The following GPR158 variants were observed in gnomAD, a reference collection of about 807,000 sequenced individuals.
The protein encoded by GPR158 is G protein-coupled receptor 158, also known as metabotropic glycine receptor.
A neutral mutation model predicts 78.2 loss-of-function variants in GPR158; 30 were observed. That is an observed-to-expected ratio of 0.38 (90% CI 0.29 to 0.52). The LOEUF (loss-of-function observed/expected upper bound fraction) is 0.52, where lower values mean the gene tolerates loss of function less well. Ranked by LOEUF, GPR158 falls within the 20% of genes least tolerant of loss-of-function variation. The pLI is 0.83. For missense variants in GPR158, 1,463 were observed against 1,523.5 expected (o/e 0.96, Z 0.66); for synonymous variants, 581 against 591.1 (o/e 0.98, Z 0.25).
At chr10:25,306,617 C>T (rs184335728) in intron 2 of GPR158, among the ~76,000 whole-genome samples, 1 of 152,262 alleles carries the variant, frequency 6.6e-6, no homozygotes, top group Admixed American at 6.5e-5. Context: ...CATATCTTTC[C>T]ATATGCTAAA....
intron 4 of GPR158, among the ~76,000 whole-genome samples, chr10:25,422,196 CTTTA>C (rs1834760842): frequency 6.6e-6 from 1 of 152,156 alleles, no homozygotes; most frequent in South Asian, 2.1e-4. Context: ...GTTATTACCA[CTTTA>C]TTTATCATCT....
intron 3 of GPR158, among the ~76,000 whole-genome samples, chr10:25,410,701 C>G (rs973906626): frequency 6.6e-6 from 1 of 152,150 alleles, no homozygotes; most frequent in South Asian, 2.1e-4. Context: ...CCCAAGTGTT[C>G]TAGTGAGTTG....
intron 2 of GPR158, among the ~76,000 whole-genome samples, chr10:25,365,351 G>C (rs35916768): frequency 0.16 from 23,842 of 151,396 alleles, 2,161 homozygotes; most frequent in African/African-American, 0.25. Flanking sequence ...TTAGCGTTTA[G>C]TAGGCAGTCT....
At chr10:25,313,808 T>C (rs942231395) in intron 2 of GPR158, among the ~76,000 whole-genome samples, 1 of 152,186 alleles carries the variant, frequency 6.6e-6, no homozygotes, top group Admixed American at 6.5e-5. Flanking sequence ...TCTTGTGCTC[T>C]CTTTACTGTT....
chr10:25,430,959 C>G (rs1834894310), intron 4 of GPR158, among the ~76,000 whole-genome samples: 1 of 147,140 alleles, frequency 6.8e-6, no homozygotes, highest in Non-Finnish European at 1.5e-5. Context: ...TGGGCAAGGA[C>G]TTCACGTCTA....
rs201362741 is a variant in GPR158, at chr10:25,176,352, G to A, written c.902+30G>A. ...GGAGGGCCGGGGGGCAGGGGGGAAG[G>A]CAAAAGCGAAGCTTTCCTTCCGGTC... is the stretch of plus-strand genomic sequence containing the variant. On this transcript the variant is annotated intron_variant, in intron 1 of 10. Coordinates refer to ENST00000376351, the MANE Select transcript of GPR158 (RefSeq NM_020752.3). The surrounding 1 kb of genome is among the most constrained non-coding windows in gnomAD (Gnocchi z 6.3). 1.2e-3 allele frequency: 1,858 copies of A among 1,509,528 alleles called. 2 individuals carry two copies. Among genetic ancestry groups the A allele is most frequent in the Non-Finnish European group, 1.6e-3 (1,743 of 1,122,496 alleles). 93.5% of individuals were successfully genotyped at this position (1,509,528 alleles called of 1,614,324 possible).
At chr10:25,192,235 GCCA>G (rs2130643633) in intron 1 of GPR158, among the ~76,000 whole-genome samples, 1 of 152,198 alleles carries the variant, frequency 6.6e-6, no homozygotes, top group South Asian at 2.1e-4. Context: ...TTTCCCCACT[GCCA>G]CCTTATGAAG....
chr10:25,460,872 G>A (rs1835350420), intron 4 of GPR158, among the ~76,000 whole-genome samples: 1 of 152,052 alleles, frequency 6.6e-6, no homozygotes, highest in African/African-American at 2.4e-5. Flanking sequence ...GTATCTCTGT[G>A]TCACATTTTG....
intron 5 of GPR158, among the ~76,000 whole-genome samples, chr10:25,517,030 A>C (rs967089011): frequency 6.7e-6 from 1 of 150,206 alleles, no homozygotes; most frequent in Non-Finnish European, 1.5e-5. Context: ...ATTTGTTTGT[A>C]TCCTCTTTTG....
At chr10:25,572,612 TAG>T (rs779511259) in intron 6 of GPR158, 35 bp from the exon 7 acceptor site, 1 of 1,247,786 alleles carries the variant, frequency 8.0e-7, no homozygotes, top group South Asian at 1.2e-5. Flanking sequence ...TTCTGAATGT[TAG>T]GTTTGCTTTC....
chr10:25,590,226 T>C (rs1052310163), intron 8 of GPR158, among the ~76,000 whole-genome samples: 26 of 152,080 alleles, frequency 1.7e-4, no homozygotes, highest in Non-Finnish European at 3.5e-4. Flanking sequence ...GCCTACACTT[T>C]TAAAACTTTT....
intron 2 of GPR158, among the ~76,000 whole-genome samples, chr10:25,309,152 A>G (rs1196111817): frequency 1.3e-5 from 2 of 152,012 alleles, no homozygotes; most frequent in East Asian, 1.9e-4. Context: ...TACTGGCTCT[A>G]CCATTTTACA....
At chr10:25,482,321 C>T (rs1341741106) in intron 5 of GPR158, among the ~76,000 whole-genome samples, 6 of 151,962 alleles carry the variant, frequency 3.9e-5, no homozygotes, top group Admixed American at 1.3e-4. Context: ...GTAGCTGGAA[C>T]AATAGGTGTA....
chr10:25,340,045 T>G (rs1023184545), intron 2 of GPR158, among the ~76,000 whole-genome samples: 3 of 152,016 alleles, frequency 2.0e-5, no homozygotes, highest in African/African-American at 7.2e-5. Flanking sequence ...AAACTCCAGA[T>G]TTTGTCTTCC....
chr10:25,255,592 ATTTG>A (rs1455524498), intron 2 of GPR158, among the ~76,000 whole-genome samples: 1 of 151,796 alleles, frequency 6.6e-6, no homozygotes, highest in African/African-American at 2.4e-5. Flanking sequence ...TCCCTGTTTT[ATTTG>A]TTTGTCTGTT....
intron 6 of GPR158, among the ~76,000 whole-genome samples, chr10:25,566,665 T>C (rs1836933202): frequency 6.6e-6 from 1 of 152,228 alleles, no homozygotes; most frequent in South Asian, 2.1e-4. Context: ...TTTTCTTTCT[T>C]GAAATAGCAA....
At chr10:25,562,287 C>CTATATTTCAATTATT (rs1246905667) in intron 6 of GPR158, among the ~76,000 whole-genome samples, 3 of 151,966 alleles carry the variant, frequency 2.0e-5, no homozygotes, top group Non-Finnish European at 4.4e-5. Context: ...TTTTTCGACT[C>CTATATTTCAATTATT]TATATTTCAA....
chr10:25,364,271 A>C (rs868108943), intron 2 of GPR158, among the ~76,000 whole-genome samples: 1 of 151,896 alleles, frequency 6.6e-6, no homozygotes, highest in African/African-American at 2.4e-5. Flanking sequence ...TCAATGATTC[A>C]TCCAAATCCT....
chr10:25,540,017 G>A (rs888965975), intron 5 of GPR158, among the ~76,000 whole-genome samples: 9 of 152,072 alleles, frequency 5.9e-5, no homozygotes, highest in South Asian at 2.1e-4. Context: ...GCAACCTACA[G>A]AATGGGAGAA....
Sources: allele counts gnomAD v4.1 joint callset (sites outside exome capture counted in the v4.1 genomes callset), GRCh38; gene constraint gnomAD v4.1.1; non-coding constraint Gnocchi (gnomAD v3.1); transcripts MANE v1.5; gene names NCBI Gene and HGNC (gene_info 2026-07-23, HGNC 2026-07-21).